The following RIMS2 variants were observed in gnomAD, a reference collection of about 807,000 sequenced individuals.
The protein encoded by RIMS2 is regulating synaptic membrane exocytosis 2, also known as regulating synaptic membrane exocytosis protein 2.
RIMS2 carries 59 observed loss-of-function variants against 174.4 expected under a neutral mutation model. The observed-to-expected ratio is 0.34, with a 90% CI of 0.27 to 0.42. The LOEUF is 0.42. Among genes scored for constraint, RIMS2 ranks in the 10% least tolerant of loss-of-function variants. The pLI, the probability that RIMS2 is intolerant of heterozygous loss-of-function variation, is 1.00. For missense variants in RIMS2, 1,620 were observed against 1,666.3 expected (o/e 0.97, Z 0.48); for synonymous variants, 606 against 572.5 (o/e 1.06, Z -0.84).
At chr8:104,053,300 A>G (rs1177129472) in intron 19 of RIMS2, among the ~76,000 whole-genome samples, 2 of 152,332 alleles carry the variant, frequency 1.3e-5, no homozygotes, top group East Asian at 1.9e-4. Context: ...ACTCAAGTAT[A>G]CAAGGCTCAG....
chr8:103,997,737 G>A (rs1201478564), intron 17 of RIMS2, among the ~76,000 whole-genome samples: 2 of 151,608 alleles, frequency 1.3e-5, no homozygotes, highest in Non-Finnish European at 3.0e-5. Flanking sequence ...AAGGCCCTTT[G>A]TAGTTATTTT....
intron 3 of RIMS2, among the ~76,000 whole-genome samples, chr8:103,835,680 A>G (rs13256235): frequency 0.13 from 19,909 of 152,216 alleles, 1,765 homozygotes; most frequent in Non-Finnish European, 0.2. Context: ...TATTGATCCT[A>G]TACTTGCTGG....
Position 103,554,385 on chromosome 8 carries a change from T to C in RIMS2, c.176+53323T>C, listed in dbSNP as rs188612452. ...ACCATTAAAAAGTGGGCAAAGGACATGAACAGATGCTTTTCAAAAGATGAC... is the reference window on the plus strand; with the variant it reads ...ACCATTAAAAAGTGGGCAAAGGACACGAACAGATGCTTTTCAAAAGATGAC... On this transcript the variant is annotated intron_variant, in intron 1 of 23. Transcript: ENST00000504942. Among the ~76,000 whole-genome samples the C allele has an allele frequency of 1.6e-3, 238 of 152,214 alleles. 2 individuals carry two copies. Among genetic ancestry groups the C allele is most frequent in the African/African-American group, 5.2e-3 (216 of 41,540 alleles).
chr8:104,229,952 C>T (rs2511580), intron 19 of RIMS2, among the ~76,000 whole-genome samples: 113,966 of 152,190 alleles, frequency 0.75, 43,800 homozygotes, highest in African/African-American at 0.92. Flanking sequence ...GTCTGGATCA[C>T]CAAGAACAAA....
intron 17 of RIMS2, among the ~76,000 whole-genome samples, chr8:104,000,530 G>A (rs1204438691): frequency 6.6e-6 from 1 of 151,636 alleles, no homozygotes; most frequent in African/African-American, 2.4e-5. Flanking sequence ...GGGAGTGCAG[G>A]TATCTCTTCA....
intron 19 of RIMS2, among the ~76,000 whole-genome samples, chr8:104,101,759 T>A (rs2097907564): frequency 6.6e-6 from 1 of 152,216 alleles, no homozygotes; most frequent in Admixed American, 6.5e-5. Context: ...ACAAGTTATT[T>A]AACTTTTTGT....
At chr8:103,996,611 G>T (rs1411761061) in intron 17 of RIMS2, among the ~76,000 whole-genome samples, 1 of 151,938 alleles carries the variant, frequency 6.6e-6, no homozygotes, top group Admixed American at 6.6e-5. Context: ...TACATTAAAT[G>T]CATGAAGAAC....
At chr8:103,733,956 G>A (rs1019666598) in intron 2 of RIMS2, among the ~76,000 whole-genome samples, 3 of 150,700 alleles carry the variant, frequency 2.0e-5, no homozygotes, top group Admixed American at 2.0e-4. Context: ...TTTCTATGGT[G>A]GGAATGATCA....
At chr8:103,956,283 A>G (rs879754828) in intron 14 of RIMS2, among the ~76,000 whole-genome samples, 4 of 152,200 alleles carry the variant, frequency 2.6e-5, no homozygotes, top group Non-Finnish European at 5.9e-5. Flanking sequence ...AAAAGAGTCC[A>G]CATAGCCAAG....
chr8:104,141,264 CATG>C (rs1479841224), intron 19 of RIMS2, among the ~76,000 whole-genome samples: 7 of 152,080 alleles, frequency 4.6e-5, no homozygotes, highest in Non-Finnish European at 8.8e-5. Context: ...CCTTCAAACT[CATG>C]GTGGAGGGAG....
chr8:103,687,482 A>G (rs573639673), intron 1 of RIMS2, among the ~76,000 whole-genome samples: 2 of 152,264 alleles, frequency 1.3e-5, no homozygotes, highest in African/African-American at 4.8e-5. Flanking sequence ...GAATGATTCA[A>G]TCCAGCTAAT....
At chr8:103,817,447 T>C (rs1415134285) in intron 3 of RIMS2, among the ~76,000 whole-genome samples, 1 of 152,200 alleles carries the variant, frequency 6.6e-6, no homozygotes, top group Non-Finnish European at 1.5e-5. Context: ...AAAATCAAAA[T>C]ATTTTTTCTA....
chr8:103,885,171 C>G, intron 3 of RIMS2, 127 bp from the exon 7 acceptor site: 1 of 1,330,234 alleles, frequency 7.5e-7, no homozygotes, highest in East Asian at 2.5e-5. Flanking sequence ...TACGCTATGC[C>G]TTTAAAATGA....
At chr8:104,017,218 CTA>C (rs2095940553) in intron 19 of RIMS2, among the ~76,000 whole-genome samples, 1 of 151,726 alleles carries the variant, frequency 6.6e-6, no homozygotes, top group African/African-American at 2.4e-5. Context: ...ACAAAATAGA[CTA>C]TCAGTTGATG....
rs758658343 is a variant in RIMS2, at chr8:104,093,546, A to G, written c.3334+78931A>G. The G allele has an allele frequency of 6.3e-5, 101 of 1,597,082 alleles. 1 individual carries two copies. The South Asian group carries it at 7.8e-4, about 12-fold the overall frequency. On this transcript the variant is annotated intron_variant, in intron 19 of 23. Transcript: ENST00000504942. Reference sequence around the variant, plus strand: ...ATCTTCGGACAGTGATGTAAGTGATATATCTGCGGTTTCAAGGACTAGTAG... The same window carrying G: ...ATCTTCGGACAGTGATGTAAGTGATGTATCTGCGGTTTCAAGGACTAGTAG...
chr8:104,189,700 A>G (rs2098988076), intron 19 of RIMS2, among the ~76,000 whole-genome samples: 1 of 151,124 alleles, frequency 6.6e-6, no homozygotes. Flanking sequence ...TAAATTATAC[A>G]TAGTTTCCAC....
chr8:103,680,226 TG>T, intron 1 of RIMS2, among the ~76,000 whole-genome samples: 1 of 152,178 alleles, frequency 6.6e-6, no homozygotes, highest in South Asian at 2.1e-4. Flanking sequence ...AACAGACCTA[TG>T]TATATATGGG....
intron 19 of RIMS2, among the ~76,000 whole-genome samples, chr8:104,202,490 T>C (rs1030126577): frequency 3.9e-5 from 6 of 152,360 alleles, no homozygotes; most frequent in Admixed American, 3.3e-4. Flanking sequence ...ACAAAAAACG[T>C]ACCACAGACT....
chr8:103,949,404 C>A (rs1478331336), intron 14 of RIMS2, among the ~76,000 whole-genome samples: 2 of 152,086 alleles, frequency 1.3e-5, no homozygotes, highest in African/African-American at 4.8e-5. Context: ...CCTGCCCAAA[C>A]AAGTATCGAT....
Sources: allele counts gnomAD v4.1 joint callset (sites outside exome capture counted in the v4.1 genomes callset), GRCh38; gene constraint gnomAD v4.1.1; transcripts MANE v1.5; gene names NCBI Gene and HGNC (gene_info 2026-07-23, HGNC 2026-07-21).